RAB2A: variants seen among roughly 807,000 people sequenced by gnomAD.
RAB2A encodes the protein RAB2A, member RAS oncogene family, also known as ras-related protein Rab-2A.
RAB2A carries 7 observed loss-of-function variants against 32.5 expected under a neutral mutation model. The ratio of observed to expected loss-of-function variants is 0.22; its 90% CI spans 0.12 to 0.40. The LOEUF is 0.40. Ranked by LOEUF, RAB2A falls within the 10% of genes least tolerant of loss-of-function variation. RAB2A has a pLI of 1.00. For synonymous variants in RAB2A, 79 were observed against 85.2 expected (o/e 0.93, Z 0.40); for missense variants, 108 against 260.7 (o/e 0.41, Z 4.03).
At chr8:60,523,703 T>C (rs1038828751) in intron 1 of RAB2A, among the ~76,000 whole-genome samples, 1 of 151,790 alleles carries the variant, frequency 6.6e-6, no homozygotes, top group Admixed American at 6.6e-5. Flanking sequence ...TTTTTTTTTT[T>C]TTTTTTGAGA....
chr8:60,577,715 C>T (rs1178132784), intron 3 of RAB2A, among the ~76,000 whole-genome samples: 1 of 151,678 alleles, frequency 6.6e-6, no homozygotes, highest in African/African-American at 2.4e-5. Flanking sequence ...GCTTCGCCTG[C>T]CGGGTTCACG....
At position 60,557,282 on chromosome 8, in the gene RAB2A, G is replaced by A. The variant is rs111474703; in HGVS notation, c.47-1570G>A. ...TATAATCCCAGCATTTTGGGACGCCGAGGGGGATGGATCACCTGAGGTCAG... is the reference window on the plus strand; with the variant it reads ...TATAATCCCAGCATTTTGGGACGCCAAGGGGGATGGATCACCTGAGGTCAG... On this transcript the variant is annotated intron_variant, in intron 1 of 7. Transcript: ENST00000262646. Among the ~76,000 whole-genome samples, 334 of 152,214 alleles carry A rather than the reference G, an allele frequency of 2.2e-3. 1 individual carries two copies. Among genetic ancestry groups the A allele is most frequent in the African/African-American group, 7.5e-3 (311 of 41,536 alleles).
intron 1 of RAB2A, among the ~76,000 whole-genome samples, chr8:60,549,271 T>G (rs1009246293): frequency 1.3e-5 from 2 of 152,192 alleles, no homozygotes; most frequent in Non-Finnish European, 2.9e-5. Flanking sequence ...CTTGGCACTT[T>G]GGGAGGCCAA....
At chr8:60,609,361 C>G (rs1366675457) in intron 6 of RAB2A, among the ~76,000 whole-genome samples, 4 of 152,192 alleles carry the variant, frequency 2.6e-5, no homozygotes, top group Non-Finnish European at 5.9e-5. Context: ...AATTGATAGA[C>G]TTCTTCTTCT....
chr8:60,561,593 A>G (rs1276035577), intron 2 of RAB2A, among the ~76,000 whole-genome samples: 1 of 151,914 alleles, frequency 6.6e-6, no homozygotes, highest in Non-Finnish European at 1.5e-5. Flanking sequence ...TCCTGTCTCC[A>G]TGTTGGGAAA....
At chr8:60,539,967 A>G (rs956099505) in intron 1 of RAB2A, among the ~76,000 whole-genome samples, 2 of 151,962 alleles carry the variant, frequency 1.3e-5, no homozygotes, top group Non-Finnish European at 2.9e-5. Context: ...AGATAAATCC[A>G]TTAAACATGG....
chr8:60,605,010 C>T (rs1296968784), intron 6 of RAB2A, among the ~76,000 whole-genome samples: 1 of 152,220 alleles, frequency 6.6e-6, no homozygotes, highest in Non-Finnish European at 1.5e-5. Context: ...GAGCCCCTCC[C>T]TCACAGGCTC....
chr8:60,611,898 G>GA (rs1193740274), intron 6 of RAB2A, among the ~76,000 whole-genome samples: 1 of 152,132 alleles, frequency 6.6e-6, no homozygotes, highest in Non-Finnish European at 1.5e-5. Context: ...AGTTTACATA[G>GA]AAAACCAATT....
At chr8:60,615,867 A>G (rs1804440052) in intron 6 of RAB2A, among the ~76,000 whole-genome samples, 1 of 152,192 alleles carries the variant, frequency 6.6e-6, no homozygotes, top group East Asian at 1.9e-4. Context: ...CAAAGGACTC[A>G]TTAAAATTAG....
At chr8:60,547,859 G>A (rs1301012118) in intron 1 of RAB2A, among the ~76,000 whole-genome samples, 1 of 129,772 alleles carries the variant, frequency 7.7e-6, no homozygotes, top group Non-Finnish European at 1.6e-5. Context: ...TCCTGGACGG[G>A]GCGGCTGGCC....
intron 5 of RAB2A, among the ~76,000 whole-genome samples, chr8:60,586,083 T>C (rs1469700922): frequency 3.3e-5 from 5 of 151,962 alleles, no homozygotes; most frequent in Non-Finnish European, 2.9e-5. Flanking sequence ...GAGGATTGCT[T>C]GATCCCAGGA....
At chr8:60,538,550 G>A (rs1807591264) in intron 1 of RAB2A, among the ~76,000 whole-genome samples, 1 of 152,236 alleles carries the variant, frequency 6.6e-6, no homozygotes, top group South Asian at 2.1e-4. Context: ...AGCATGGAAG[G>A]AAGGACAGAT....
chr8:60,571,607 T>C (rs1808198421), intron 2 of RAB2A, among the ~76,000 whole-genome samples: 1 of 152,216 alleles, frequency 6.6e-6, no homozygotes, highest in Non-Finnish European at 1.5e-5. Flanking sequence ...ATTTCTTTCC[T>C]TGCTAATTAT....
rs1389948520 is a variant in RAB2A at position 60,622,206 on chromosome 8, C to T, written c.*1437C>T. 1 of 152,134 alleles carries T rather than the reference C, an allele frequency of 6.6e-6. No homozygotes were observed. Among genetic ancestry groups the T allele is most frequent in the African/African-American group, 2.4e-5 (1 of 41,394 alleles). The allele number at this position is 152,134 out of a possible 1,614,324, so 9.4% of individuals were successfully genotyped here. A position where few individuals can be genotyped will look rare whatever the true frequency, so the allele number is the denominator to read the frequency against. ...TAAGCAGTGTAAGCAAGTGTTTTCT[C>T]CTGAACTAGCACAAAAGCACTTATG... On this transcript the variant is annotated 3_prime_UTR_variant, in exon 8 of 8. Transcript: ENST00000262646.
chr8:60,544,957 C>G (rs1586072456), intron 1 of RAB2A, among the ~76,000 whole-genome samples: 2 of 152,240 alleles, frequency 1.3e-5, no homozygotes, highest in Admixed American at 1.3e-4. Context: ...ATTGCCCAGG[C>G]TGGTTTTGAA....
chr8:60,568,119 A>G (rs547156331), intron 2 of RAB2A, among the ~76,000 whole-genome samples: 1 of 152,336 alleles, frequency 6.6e-6, no homozygotes, highest in East Asian at 1.9e-4. Flanking sequence ...GGTTTCAGGA[A>G]CAGGAATGGG....
At chr8:60,548,803 T>A (rs1456508522) in intron 1 of RAB2A, among the ~76,000 whole-genome samples, 10 of 146,484 alleles carry the variant, frequency 6.8e-5, no homozygotes, top group Admixed American at 6.7e-4. Context: ...ACGGGGCGGC[T>A]GGCCGGGCGG....
intron 6 of RAB2A, among the ~76,000 whole-genome samples, chr8:60,600,066 T>TAAAAAAAAAAAAAAAA (rs36105307): frequency 7.1e-6 from 1 of 139,878 alleles, no homozygotes; most frequent in Non-Finnish European, 1.6e-5. Flanking sequence ...TACTCGGTAG[T>TAAAAAAAAAAAAAAAA]AAAAAAAAAA....
intron 6 of RAB2A, among the ~76,000 whole-genome samples, chr8:60,612,870 C>G (rs1804377536): frequency 6.6e-6 from 1 of 152,202 alleles, no homozygotes; most frequent in Admixed American, 6.5e-5. Context: ...CTCCACAGGG[C>G]TGTCCCTACT....
Sources: gnomAD v4.1 joint callset for allele counts (sites outside exome capture counted in the v4.1 genomes callset) on GRCh38, gnomAD v4.1.1 for gene constraint, MANE v1.5 for transcripts, NCBI Gene and HGNC (gene_info 2026-07-23, HGNC 2026-07-21) for gene names.